Variants in CHODL observed in about 807,000 individuals in gnomAD.
CHODL encodes transmembrane protein MT75.
CHODL carries 29 observed loss-of-function variants against 34.5 expected under a neutral mutation model. The ratio of observed to expected loss-of-function variants is 0.84; its 90% CI spans 0.63 to 1.15. The LOEUF (loss-of-function observed/expected upper bound fraction) is 1.15, where lower values mean the gene tolerates loss of function less well. Ranked by LOEUF, CHODL falls within the 50% of genes most tolerant of loss-of-function variation. CHODL has a pLI of 0.00. For synonymous variants in CHODL, 125 were observed against 116.1 expected (o/e 1.08, Z -0.49); for missense variants, 332 against 332.5 (o/e 1.00, Z 0.01).
rs147151066 is a variant in CHODL, at chr21:18,264,270, C to T, written c.737+1377C>T. On this transcript the variant is annotated intron_variant, in intron 5 of 5. Transcript: ENST00000299295. ...TCAGGGAGCAAGTAAGTGCACAACA[C>T]AGTGAACCGGGACAAACACTTTTGG... Among the ~76,000 whole-genome samples, 743 of 152,092 alleles carry T rather than the reference C, an allele frequency of 4.9e-3. 11 individuals are homozygous for T. The highest frequency in any genetic ancestry group is 0.017 in the African/African-American group (716 of 41,484).
chr21:17,936,869 T>G (rs1210999985), intron 1 of CHODL, among the ~76,000 whole-genome samples: 1 of 150,780 alleles, frequency 6.6e-6, no homozygotes, highest in Non-Finnish European at 1.5e-5. Flanking sequence ...AGGTCAGGAG[T>G]TTGAGACCAG....
At chr21:18,127,015 A>G (rs1427070430) in intron 2 of CHODL, among the ~76,000 whole-genome samples, 1 of 152,218 alleles carries the variant, frequency 6.6e-6, no homozygotes, top group Admixed American at 6.5e-5. Context: ...CTTCTATACC[A>G]TAAACATGTT....
At chr21:17,975,204 A>G (rs1431357232) in intron 1 of CHODL, among the ~76,000 whole-genome samples, 2 of 152,090 alleles carry the variant, frequency 1.3e-5, no homozygotes, top group Non-Finnish European at 2.9e-5. Flanking sequence ...GTCCTAAGCA[A>G]ACTAACATAG....
intron 2 of CHODL, among the ~76,000 whole-genome samples, chr21:18,059,586 C>A (rs2064631088): frequency 2.6e-5 from 4 of 151,062 alleles, no homozygotes; most frequent in Non-Finnish European, 5.9e-5. Context: ...CTGCACAGAT[C>A]AACCCATCAC....
chr21:18,084,851 T>C (rs2064984455), intron 2 of CHODL, among the ~76,000 whole-genome samples: 1 of 151,896 alleles, frequency 6.6e-6, no homozygotes, highest in Non-Finnish European at 1.5e-5. Flanking sequence ...ATCTGTCTAG[T>C]GCTATGAGAG....
chr21:18,233,775 CA>C, intron 2 of CHODL, among the ~76,000 whole-genome samples: 1 of 151,984 alleles, frequency 6.6e-6, no homozygotes, highest in East Asian at 1.9e-4. Flanking sequence ...TCTAAAGAGC[CA>C]ATTAAAAGAT....
At chr21:18,024,658 A>C (rs949966766) in intron 1 of CHODL, 10 of 152,156 alleles carry the variant, frequency 6.6e-5, no homozygotes, top group African/African-American at 1.9e-4. Flanking sequence ...GTAGTGGCCA[A>C]ATCCACTGAA....
intron 2 of CHODL, among the ~76,000 whole-genome samples, chr21:18,106,388 C>G (rs902477226): frequency 6.6e-6 from 1 of 152,154 alleles, no homozygotes; most frequent in Admixed American, 6.5e-5. Flanking sequence ...TGGTCGGTCA[C>G]CAAATAGCTC....
At chr21:18,263,411 A>G (rs1428970491) in intron 5 of CHODL, among the ~76,000 whole-genome samples, 1 of 152,164 alleles carries the variant, frequency 6.6e-6, no homozygotes, top group African/African-American at 2.4e-5. Flanking sequence ...ACAGCGGTTC[A>G]AACAGGCCAC....
At chr21:18,167,209 CTCTGTGTGTGTGTGTGTGTGTGTGTG>C (rs1223009405) in intron 2 of CHODL, among the ~76,000 whole-genome samples, 12 of 129,070 alleles carry the variant, frequency 9.3e-5, no homozygotes, top group Non-Finnish European at 3.3e-5. Context: ...ATTTCTCTCT[CTCTGTGTGTGTGTGTGTGTGTGTGTG>C]TGTGTGTGTG....
At chr21:18,013,635 C>CTTTTTTTGTTTTTTTTTTTTTTT (rs2064041052) in intron 1 of CHODL, among the ~76,000 whole-genome samples, 1 of 71,896 alleles carries the variant, frequency 1.4e-5, no homozygotes, top group African/African-American at 6.3e-5. Context: ...GCTGCTGCTG[C>CTTTTTTTGTTTTTTTTTTTTTTT]TTTTTTTTTT....
At chr21:18,088,555 C>T (rs1401047792) in intron 2 of CHODL, among the ~76,000 whole-genome samples, 2 of 152,172 alleles carry the variant, frequency 1.3e-5, no homozygotes, top group East Asian at 1.9e-4. Flanking sequence ...AAAAGCCAAG[C>T]CCTGTGGTTT....
intron 1 of CHODL, among the ~76,000 whole-genome samples, chr21:17,945,340 A>G (rs905915346): frequency 6.6e-6 from 1 of 152,060 alleles, no homozygotes; most frequent in Non-Finnish European, 1.5e-5. Context: ...ACACAGATAG[A>G]TTTCTAAAAT....
chr21:17,952,194 C>CAAAAAAAAAAAAAAAAAAA (rs58511535), intron 1 of CHODL, among the ~76,000 whole-genome samples: 3 of 80,366 alleles, frequency 3.7e-5, no homozygotes, highest in South Asian at 4.2e-4. Context: ...TACTATGTCT[C>CAAAAAAAAAAAAAAAAAAA]AAAAAAAAAA....
intron 2 of CHODL, among the ~76,000 whole-genome samples, chr21:18,105,736 A>G (rs2065265198): frequency 6.6e-6 from 1 of 152,234 alleles, no homozygotes; most frequent in African/African-American, 2.4e-5. Context: ...ATACAGAGAA[A>G]GAAATACAAT....
chr21:18,201,084 C>T (rs1390877870), intron 2 of CHODL, among the ~76,000 whole-genome samples: 1 of 151,926 alleles, frequency 6.6e-6, no homozygotes, highest in Non-Finnish European at 1.5e-5. Flanking sequence ...TGCAGTCGTA[C>T]TAAAAAAAAT....
intron 1 of CHODL, among the ~76,000 whole-genome samples, chr21:17,943,082 C>T (rs896998621): frequency 6.6e-6 from 1 of 152,174 alleles, no homozygotes. Flanking sequence ...TATTAAACCT[C>T]TTTTCTTTAT....
chr21:17,976,966 T>C (rs2063668272), intron 1 of CHODL, among the ~76,000 whole-genome samples: 1 of 152,180 alleles, frequency 6.6e-6, no homozygotes, highest in Admixed American at 6.6e-5. Context: ...TATAAACCTT[T>C]ATTGCTTTCT....
At chr21:17,925,400 A>G (rs565939621) in intron 1 of CHODL, among the ~76,000 whole-genome samples, 1 of 152,302 alleles carries the variant, frequency 6.6e-6, no homozygotes, top group East Asian at 1.9e-4. Flanking sequence ...GTTTCCTGAT[A>G]GCTGACTTTC....
Sources: gnomAD v4.1 joint callset for allele counts (sites outside exome capture counted in the v4.1 genomes callset) on GRCh38, gnomAD v4.1.1 for gene constraint, MANE v1.5 for transcripts, NCBI Gene and HGNC (gene_info 2026-07-23, HGNC 2026-07-21) for gene names.